The following TRIM71 variants were observed in gnomAD, a reference collection of about 807,000 sequenced individuals.
The protein encoded by TRIM71 is tripartite motif containing 71, also known as E3 ubiquitin-protein ligase TRIM71.
In TRIM71, 9 loss-of-function variants were observed where a neutral mutation model predicts 61.2. The ratio of observed to expected loss-of-function variants is 0.15; its 90% CI spans 0.09 to 0.26. The LOEUF (loss-of-function observed/expected upper bound fraction) is 0.26. Among genes scored for constraint, TRIM71 ranks in the 10% least tolerant of loss-of-function variants. The pLI, the probability that TRIM71 is intolerant of heterozygous loss-of-function variation, is 1.00. For synonymous variants in TRIM71, 645 were observed against 553.2 expected, an observed-to-expected ratio of 1.17 and a Z score of -2.33; for missense variants, 998 against 1,238.7, an observed-to-expected ratio of 0.81 and a Z score of 2.92.
chr3:32,822,586 ATAT>A (rs1417551591), intron 1 of TRIM71, among the ~76,000 whole-genome samples: 1 of 152,196 alleles, frequency 6.6e-6, no homozygotes, highest in East Asian at 1.9e-4. Context: ...GCACCAGTGT[ATAT>A]TATTCTCTGT....
In TRIM71 at chr3:32,897,514, GTT is replaced by G. The variant is rs79311224; in HGVS notation, c.*5709_*5710del. On this transcript the variant is annotated 3_prime_UTR_variant, in exon 4 of 4. Coordinates refer to ENST00000383763, the MANE Select transcript of TRIM71 (RefSeq NM_001039111.3). ...TGAGTTTTTGTTTGGTTGATTTTGG[GTT>G]TTTTTCCCCCCTCCTCTTTTGGCTT... 4.0e-5 allele frequency: 6 copies of G among 151,568 alleles called. No homozygotes were observed. The highest frequency in any genetic ancestry group is 1.2e-4 in the African/African-American group (5 of 41,340). 9.4% of individuals were successfully genotyped at this position (151,568 alleles called of 1,614,324 possible).
rs1199687609 is a variant in TRIM71, at chr3:32,895,553, A to T, written c.*3742A>T. The T allele has an allele frequency of 6.6e-6, 1 of 152,196 alleles. No homozygotes were observed. The highest frequency in any genetic ancestry group is 1.5e-5 in the Non-Finnish European group (1 of 68,050). 9.4% of individuals were successfully genotyped at this position (152,196 alleles called of 1,614,324 possible). On this transcript the variant is annotated 3_prime_UTR_variant, in exon 4 of 4. Coordinates refer to ENST00000383763, the MANE Select transcript of TRIM71 (RefSeq NM_001039111.3). ...TCTGGTAGGTGGTGAAAGATATGCCAAAGTTTTAGGCTTGTTTTTCTGATC... is the reference window on the plus strand; with the variant it reads ...TCTGGTAGGTGGTGAAAGATATGCCTAAGTTTTAGGCTTGTTTTTCTGATC...
At chr3:32,822,173 A>G (rs999877074) in intron 1 of TRIM71, among the ~76,000 whole-genome samples, 1 of 152,068 alleles carries the variant, frequency 6.6e-6, no homozygotes. Flanking sequence ...GAACCCAGGA[A>G]AGCCTCTGTC....
Position 32,895,764 on chromosome 3 carries a change from G to C in TRIM71, c.*3953G>C, listed in dbSNP as rs1355717381. 1.3e-5 allele frequency: 2 copies of C among 152,118 alleles called. No individual in the cohort carries two copies. 9.4% of individuals were successfully genotyped at this position (152,118 alleles called of 1,614,324 possible). A position where few individuals can be genotyped will look rare whatever the true frequency, so the allele number is the denominator to read the frequency against. The stretch of plus-strand genomic sequence containing the variant: ...TACGGCTTTCTCTGGTTTTCTATAG[G>C]GCCAAGGGCACAGGACGCAGCATTC... On this transcript the variant is annotated 3_prime_UTR_variant, in exon 4 of 4. Transcript: ENST00000383763.
In TRIM71 at chr3:32,877,599, T is replaced by C. The variant is rs1423954097; in HGVS notation, c.1020+3614T>C. Among the ~76,000 whole-genome samples, 4 of 152,212 alleles carry C rather than the reference T, an allele frequency of 2.6e-5. No individual in the cohort carries two copies. The South Asian group carries it at 8.3e-4, about 32-fold the overall frequency. On this transcript the variant is annotated intron_variant, in intron 2 of 3. Transcript: ENST00000383763. ...CACTCAAACTCCTGGCTTCATGCGATCTTTCACCTTGGCCTCCCAAGGCGC... is the reference window on the plus strand; with the variant it reads ...CACTCAAACTCCTGGCTTCATGCGACCTTTCACCTTGGCCTCCCAAGGCGC...
At chr3:32,852,793 G>A (rs1446029977) in intron 1 of TRIM71, among the ~76,000 whole-genome samples, 2 of 151,408 alleles carry the variant, frequency 1.3e-5, no homozygotes, top group Non-Finnish European at 2.9e-5. Flanking sequence ...AACTTTATCT[G>A]GTATTTAGTA....
rs1697065085 is a variant in TRIM71 at position 32,895,161 on chromosome 3, T to A, written c.*3350T>A. 6.6e-6 allele frequency: 1 copy of A among 152,266 alleles called. No individual in the cohort carries two copies. Among genetic ancestry groups the A allele is most frequent in the African/African-American group, 2.4e-5 (1 of 41,472 alleles). The allele number at this position is 152,266 out of a possible 1,614,324, so 9.4% of individuals were successfully genotyped here. The stretch of plus-strand genomic sequence containing the variant: ...TATTTTTGGTCCCAAGATCTAATGC[T>A]GTCTCAGAACATGTGCCCTGTTGTG... On this transcript the variant is annotated 3_prime_UTR_variant, in exon 4 of 4. Transcript: ENST00000383763.
intron 2 of TRIM71, among the ~76,000 whole-genome samples, chr3:32,880,718 TTC>T (rs928284724): frequency 2.6e-5 from 4 of 152,226 alleles, no homozygotes; most frequent in African/African-American, 9.6e-5. Context: ...TTTTTGAACA[TTC>T]TGTTACTTTC....
At chr3:32,888,940 A>G (rs913671717) in intron 3 of TRIM71, among the ~76,000 whole-genome samples, 3 of 152,160 alleles carry the variant, frequency 2.0e-5, no homozygotes, top group African/African-American at 4.8e-5. Flanking sequence ...CTTTGCTGAG[A>G]TAGCTCTCCC....
At chr3:32,836,945 C>G (rs770740386) in intron 1 of TRIM71, among the ~76,000 whole-genome samples, 5 of 152,186 alleles carry the variant, frequency 3.3e-5, no homozygotes, top group Non-Finnish European at 5.9e-5. Flanking sequence ...CCCATTCCTT[C>G]AGCATGTACC....
At chr3:32,852,641 A>G (rs1481958739) in intron 1 of TRIM71, among the ~76,000 whole-genome samples, 2 of 152,154 alleles carry the variant, frequency 1.3e-5, no homozygotes, top group Admixed American at 6.5e-5. Flanking sequence ...GAAGTAATGA[A>G]AAAAAGAAAG....
chr3:32,823,632 A>G (rs1438741825), intron 1 of TRIM71, among the ~76,000 whole-genome samples: 1 of 148,786 alleles, frequency 6.7e-6, no homozygotes, highest in Non-Finnish European at 1.5e-5. Context: ...TTTATCATTG[A>G]CATTGTTTTC....
At chr3:32,858,413 A>G (rs1052224816) in intron 1 of TRIM71, among the ~76,000 whole-genome samples, 3 of 152,100 alleles carry the variant, frequency 2.0e-5, no homozygotes, top group Non-Finnish European at 2.9e-5. Context: ...ATCCGATGTA[A>G]ATAGTTTAAA....
At position 32,818,306 on chromosome 3, in the gene TRIM71, C is replaced by A; in HGVS notation, c.226C>A (p.Pro76Thr). 7.0e-7 allele frequency: 1 copy of A among 1,436,608 alleles called. No individual in the cohort carries two copies. Among genetic ancestry groups the A allele is most frequent in the Admixed American group, 2.9e-5 (1 of 34,716 alleles). The allele number at this position is 1,436,608 out of a possible 1,614,324, so 89.0% of individuals were successfully genotyped here. A position where few individuals can be genotyped will look rare whatever the true frequency, so the allele number is the denominator to read the frequency against. Residue 76 changes from proline (P) to threonine (T), a missense_variant, in exon 1 of 4, where the codon CCG (proline) becomes ACG (threonine). Physicochemically the swap from Pro to Thr is conservative, Grantham distance 38. Coordinates refer to ENST00000383763, the MANE Select transcript of TRIM71 (RefSeq NM_001039111.3). The part of the protein sequence containing the change: ...CRPCLEAHRL[P>T]AAGGGAAGEP... ...CCCCTGCCTCGAGGCGCACCGGCTG[C>A]CGGCGGCGGGCGGCGGCGCGGCGGG...
chr3:32,841,586 C>G (rs550550465), intron 1 of TRIM71, among the ~76,000 whole-genome samples: 6 of 152,220 alleles, frequency 3.9e-5, no homozygotes, highest in African/African-American at 9.6e-5. Flanking sequence ...TCACTGCACT[C>G]CAGCGTGGGC....
chr3:32,835,897 TACAC>T (rs1696329388), intron 1 of TRIM71, among the ~76,000 whole-genome samples: 1 of 152,220 alleles, frequency 6.6e-6, no homozygotes, highest in Non-Finnish European at 1.5e-5. Flanking sequence ...ACCATTTACA[TACAC>T]AAGCATATAG....
chr3:32,873,827 C>G lies in TRIM71; in HGVS notation c.862C>G (p.Leu288Val). The change falls in exon 2 of 4, where the codon CTG (leucine) becomes GTG (valine). Residue 288 changes from leucine (L) to valine (V), a missense_variant. Around this residue, in one of 5 missense-constraint regions of TRIM71, gnomAD observed 291 missense variants for 431.2 expected, o/e 0.67. Transcript: ENST00000383763. ...CQHHDDEVLH[L>V]YCDTCSVPIC... ...CCTCTCTTGTCCCCAGGTGCTGCAC[C>G]TGTACTGTGACACTTGCTCTGTACC... 6.3e-7 allele frequency: 1 copy of G among 1,594,034 alleles called. No individual in the cohort carries two copies. The highest frequency in any genetic ancestry group is 2.2e-5 in the East Asian group (1 of 44,532).
intron 2 of TRIM71, among the ~76,000 whole-genome samples, chr3:32,878,905 A>G (rs888310566): frequency 6.6e-6 from 1 of 152,238 alleles, no homozygotes; most frequent in Non-Finnish European, 1.5e-5. Context: ...TCTTCTTCCA[A>G]TATAAGACTA....
In TRIM71 at chr3:32,818,551, C is replaced by T. The variant is rs1696088125; in HGVS notation, c.471C>T (p.His157=). The T allele has an allele frequency of 2.4e-6, 3 of 1,270,402 alleles. No individual in the cohort carries two copies. Among genetic ancestry groups the T allele is most frequent in the South Asian group, 2.8e-5 (1 of 36,150 alleles). The allele number at this position is 1,270,402 out of a possible 1,614,324, so 78.7% of individuals were successfully genotyped here. A position where few individuals can be genotyped will look rare whatever the true frequency, so the allele number is the denominator to read the frequency against. The change falls in exon 1 of 4, where the codon CAC becomes CAT. Residue 157 remains histidine (H), a synonymous_variant. Coordinates refer to ENST00000383763, the MANE Select transcript of TRIM71 (RefSeq NM_001039111.3). ...ACCGGCACCACGCTCACCACGCGCA[C>T]CCGCGCGCGTCCGCCTCCGCGCCGC... The part of the protein sequence containing the change: ...SNHRHHAHHA[H]PRASASAPPL...
Sources: allele counts gnomAD v4.1 joint callset (sites outside exome capture counted in the v4.1 genomes callset), GRCh38; gene constraint gnomAD v4.1.1; regional missense constraint gnomAD v4.1.1; transcripts MANE v1.5; gene names NCBI Gene and HGNC (gene_info 2026-07-23, HGNC 2026-07-21).